Variants in MTFR1 observed in about 807,000 individuals in gnomAD.
MTFR1 encodes the protein mitochondrial fission regulator 1, also known as chondrocyte protein with a poly-proline region.
A neutral mutation model predicts 38.8 loss-of-function variants in MTFR1; 28 were observed. That is an observed-to-expected ratio of 0.72 (90% CI 0.53 to 0.99). The LOEUF is 0.99. Ranked by LOEUF, MTFR1 falls within the 50% of genes least tolerant of loss-of-function variation. The pLI is 0.00. For synonymous variants in MTFR1, 145 were observed against 137.0 expected (o/e 1.06, Z -0.41); for missense variants, 358 against 395.5 (o/e 0.91, Z 0.81).
At chr8:65,694,916 A>T (rs1325922684) in intron 4 of MTFR1, among the ~76,000 whole-genome samples, 1 of 152,212 alleles carries the variant, frequency 6.6e-6, no homozygotes, top group East Asian at 1.9e-4. Context: ...CAGATGGCTC[A>T]ATGAGACTAG....
At chr8:65,765,812 G>A (rs1366718240) in intron 3 of MTFR1, 1 of 152,008 alleles carries the variant, frequency 6.6e-6, no homozygotes, top group Non-Finnish European at 1.5e-5. Flanking sequence ...AATTCTAATG[G>A]GCATGCATAA....
rs1382710327 is a variant in MTFR1, at chr8:65,724,181, G to C, written c.*48+4700G>C. 1.1e-5 allele frequency: 10 copies of C among 881,296 alleles called. No homozygotes were observed. The Admixed American group carries it at 1.8e-4, about 16-fold the overall frequency. 54.6% of individuals were successfully genotyped at this position (881,296 alleles called of 1,614,324 possible). A position where few individuals can be genotyped will look rare whatever the true frequency, so the allele number is the denominator to read the frequency against. ...TACTGCTAGACCCATATAAATTATT[G>C]AGTTATTTTATTCTTACGATGTTAA... On this transcript the variant is annotated intron_variant, in intron 3 of 3. Coordinates refer to the MTFR1 transcript ENST00000521247.
At chr8:65,735,036 C>A in intron 3 of MTFR1, 1 of 620,904 alleles carries the variant, frequency 1.6e-6, no homozygotes, top group Non-Finnish European at 2.9e-6. Context: ...AGATGATAAT[C>A]ACCTCACAAC....
intron 3 of MTFR1, among the ~76,000 whole-genome samples, chr8:65,758,562 T>C (rs952313500): frequency 6.6e-6 from 1 of 152,212 alleles, no homozygotes; most frequent in Non-Finnish European, 1.5e-5. Flanking sequence ...ATGCTGAATG[T>C]GAGCACACAC....
chr8:65,656,689 C>T (rs1006407944), intron 1 of MTFR1, among the ~76,000 whole-genome samples: 1 of 151,640 alleles, frequency 6.6e-6, no homozygotes, highest in South Asian at 2.1e-4. Context: ...TTTGTAGAGA[C>T]GAGGTTTCAC....
intron 3 of MTFR1, among the ~76,000 whole-genome samples, chr8:65,764,337 G>C (rs895236609): frequency 2.0e-5 from 3 of 152,198 alleles, no homozygotes; most frequent in African/African-American, 7.2e-5. Context: ...TAAGATCTTA[G>C]TCTACAATAC....
chr8:65,751,237 GT>G (rs1021145186), intron 3 of MTFR1, among the ~76,000 whole-genome samples: 15 of 152,152 alleles, frequency 9.9e-5, no homozygotes, highest in Admixed American at 3.3e-4. Context: ...CTACCTCAAA[GT>G]TTTGTCTAAG....
At chr8:65,662,020 C>CCTCTCTCTCT (rs1391434193) in intron 1 of MTFR1, among the ~76,000 whole-genome samples, 1 of 136,990 alleles carries the variant, frequency 7.3e-6, no homozygotes, top group Admixed American at 7.4e-5. Flanking sequence ...TCTCTCTCTC[C>CCTCTCTCTCT]CTCTCTCTCT....
At chr8:65,747,750 T>G in intron 3 of MTFR1, 1 of 1,610,462 alleles carries the variant, frequency 6.2e-7, no homozygotes, top group Non-Finnish European at 8.5e-7. Context: ...CGCTGGAAAC[T>G]TAGTAGCCTT....
intron 1 of MTFR1, among the ~76,000 whole-genome samples, chr8:65,648,291 A>T (rs1352241862): frequency 6.6e-6 from 1 of 152,178 alleles, no homozygotes; most frequent in African/African-American, 2.4e-5. Context: ...TGCTGGGATT[A>T]CAGGCGTGAG....
chr8:65,655,958 A>ATATATGTATATATATATATGTATATATG (rs1809249040), intron 1 of MTFR1, among the ~76,000 whole-genome samples: 2 of 37,890 alleles, frequency 5.3e-5, no homozygotes, highest in Non-Finnish European at 9.5e-5. Context: ...AAAAATATAT[A>ATATATGTATATATATATATGTATATATG]TATATATATA....
chr8:65,713,911 C>T (rs1044698497), downstream of MTFR1, among the ~76,000 whole-genome samples: 11 of 152,032 alleles, frequency 7.2e-5, no homozygotes, highest in Admixed American at 6.6e-5. Context: ...TGGTCTCGAA[C>T]TCCTGACGTG....
chr8:65,662,892 G>C (rs1044497467), intron 1 of MTFR1, among the ~76,000 whole-genome samples: 3 of 150,634 alleles, frequency 2.0e-5, no homozygotes, highest in African/African-American at 4.9e-5. Context: ...CAGCCGCCCC[G>C]TCCTGGAGGG....
At chr8:65,718,270 C>T (rs1806223299) in intron 2 of MTFR1, 1 of 152,290 alleles carries the variant, frequency 6.6e-6, no homozygotes, top group Admixed American at 6.5e-5. Flanking sequence ...CACAGTCACA[C>T]ATGCACAAAC....
chr8:65,727,321 T>C, intron 3 of MTFR1: 3 of 1,612,188 alleles, frequency 1.9e-6, no homozygotes, highest in Non-Finnish European at 2.5e-6. Flanking sequence ...GACAAAAGAA[T>C]AATGAATCAC....
chr8:65,750,545 A>G (rs1807898679), intron 3 of MTFR1, among the ~76,000 whole-genome samples: 1 of 151,378 alleles, frequency 6.6e-6, no homozygotes, highest in Non-Finnish European at 1.5e-5. Context: ...AGAGAATTTG[A>G]GAATCTCTTT....
rs1805915279 is a variant in MTFR1 at position 65,710,551 on chromosome 8, A to G, written c.*1507A>G. On this transcript the variant is annotated 3_prime_UTR_variant, in exon 8 of 8. Coordinates refer to ENST00000262146, the MANE Select transcript of MTFR1 (RefSeq NM_014637.4). Reference sequence around the variant, plus strand: ...TAAAATAAAGCAAACTAACTGTTTTATTTTCCTTGGACCATAGTGCTTCCA... The same window carrying G: ...TAAAATAAAGCAAACTAACTGTTTTGTTTTCCTTGGACCATAGTGCTTCCA... The G allele has an allele frequency of 6.6e-6, 1 of 152,516 alleles. No homozygotes were observed. Among genetic ancestry groups the G allele is most frequent in the Non-Finnish European group, 1.5e-5 (1 of 67,986 alleles). The allele number at this position is 152,516 out of a possible 1,614,324, so 9.4% of individuals were successfully genotyped here. A position where few individuals can be genotyped will look rare whatever the true frequency, so the allele number is the denominator to read the frequency against.
At chr8:65,685,697 T>C (rs1280710581) in intron 3 of MTFR1, among the ~76,000 whole-genome samples, 3 of 152,234 alleles carry the variant, frequency 2.0e-5, no homozygotes, top group African/African-American at 7.2e-5. Flanking sequence ...TGAAACAGCA[T>C]GTATGTCTGC....
At chr8:65,682,558 G>A in intron 3 of MTFR1, 107 bp downstream of exon 3, 1 of 633,720 alleles carries the variant, frequency 1.6e-6, no homozygotes, top group Non-Finnish European at 2.2e-6. Context: ...TTCACCAATT[G>A]ATGCCACTAT....
Sources: allele counts gnomAD v4.1 joint callset (sites outside exome capture counted in the v4.1 genomes callset), GRCh38; gene constraint gnomAD v4.1.1; transcripts MANE v1.5; gene names NCBI Gene and HGNC (gene_info 2026-07-23, HGNC 2026-07-21).